The following ABCG2 variants were observed in gnomAD, a reference collection of about 807,000 sequenced individuals.
The protein encoded by ABCG2 is broad substrate specificity ATP-binding cassette transporter ABCG2.
Under a neutral mutation model 73.5 loss-of-function variants are expected in ABCG2, and 80 were observed. The observed-to-expected ratio is 1.09, with a 90% CI of 0.91 to 1.31. ABCG2 has a LOEUF of 1.31. Ranked by LOEUF, ABCG2 falls within the 50% of genes most tolerant of loss-of-function variation. The pLI is 0.00. For synonymous variants in ABCG2, 269 were observed against 282.4 expected (o/e 0.95, Z 0.48); for missense variants, 796 against 786.2 (o/e 1.01, Z -0.15).
intron 1 of ABCG2, among the ~76,000 whole-genome samples, chr4:88,222,041 C>CT (rs549061167): frequency 3.7e-4 from 56 of 152,306 alleles, no homozygotes; most frequent in African/African-American, 1.2e-3. Context: ...GTCCAGGGCC[C>CT]TCTTGCTATG....
chr4:88,133,133 T>C lies in ABCG2; in HGVS notation c.204-498A>G, dbSNP rs117319230. ...GTTACACTTACTGCTCTTAACACAGTGTGAAACGAAATACATGGCGTGTTC... is the reference window on the plus strand; with the variant it reads ...GTTACACTTACTGCTCTTAACACAGCGTGAAACGAAATACATGGCGTGTTC... On this transcript the variant is annotated intron_variant, in intron 2 of 15. Transcript: ENST00000237612. Among the ~76,000 whole-genome samples, 9 of 152,344 alleles carry C rather than the reference T, an allele frequency of 5.9e-5. No homozygotes were observed. The East Asian group carries it at 1.7e-3, about 29-fold the overall frequency.
intron 1 of ABCG2, among the ~76,000 whole-genome samples, chr4:88,185,751 A>C (rs1042822706): frequency 2.0e-5 from 3 of 152,224 alleles, no homozygotes; most frequent in African/African-American, 7.2e-5. Flanking sequence ...GTAAATGAAA[A>C]GGTACTCATT....
intron 13 of ABCG2, 113 bp from the exon 14 acceptor site, chr4:88,095,722 C>G: frequency 1.2e-6 from 1 of 824,148 alleles, no homozygotes. Context: ...TTAAAACCAA[C>G]TCTTTCTTGA....
chr4:88,154,153 C>T (rs1460444731), intron 1 of ABCG2, among the ~76,000 whole-genome samples: 3 of 152,162 alleles, frequency 2.0e-5, no homozygotes, highest in African/African-American at 7.2e-5. Context: ...AAAACTGACC[C>T]TGAGGGACAG....
upstream of ABCG2, chr4:88,159,286 G>A: frequency 2.2e-6 from 1 of 452,918 alleles, no homozygotes; most frequent in Non-Finnish European, 4.4e-6. Flanking sequence ...AGGTTGCCCA[G>A]TCACAAGCGC....
chr4:88,135,121 C>T (rs906237719), intron 2 of ABCG2, among the ~76,000 whole-genome samples: 1 of 152,182 alleles, frequency 6.6e-6, no homozygotes, highest in Non-Finnish European at 1.5e-5. Flanking sequence ...TACTATCTGC[C>T]CTTTATGGAA....
In ABCG2 at chr4:88,118,126, C is replaced by A; in HGVS notation, c.824G>T (p.Gly275Val). Residue 275 changes from glycine to valine, a missense_variant, in exon 7 of 16, where the codon GGA becomes GTA. Coordinates refer to ENST00000237612, the MANE Select transcript of ABCG2 (RefSeq NM_004827.3). ...MFHGPAQEAL[G>V]YFESAGYHCE... ...AACCATACCAGCTGATTCAAAGTAT[C>A]CCAAGGCCTCCTGAGCAGGCCCGTG... The A allele has an allele frequency of 1.9e-6, 3 of 1,613,510 alleles. No homozygotes were observed. The highest frequency in any genetic ancestry group is 2.5e-6 in the Non-Finnish European group (3 of 1,179,818).
intron 1 of ABCG2, among the ~76,000 whole-genome samples, chr4:88,207,654 C>G (rs1729431892): frequency 6.6e-6 from 1 of 152,170 alleles, no homozygotes; most frequent in African/African-American, 2.4e-5. Flanking sequence ...AAGCAGTCCT[C>G]CTGCCTCAGC....
chr4:88,181,266 GGT>G, intron 1 of ABCG2, among the ~76,000 whole-genome samples: 1 of 151,982 alleles, frequency 6.6e-6, no homozygotes, highest in Non-Finnish European at 1.5e-5. Flanking sequence ...CGAGCATGGT[GGT>G]GCGTGCCTGT....
rs548144281 is a variant in ABCG2, at chr4:88,108,399, G to A, written c.1195-1133C>T. On this transcript the variant is annotated intron_variant, in intron 9 of 15. Coordinates refer to ENST00000237612, the MANE Select transcript of ABCG2 (RefSeq NM_004827.3). ...ACAAAAAAATTAGCCAGGCATGGTG[G>A]TGTACGCCTGTAGTCCCAGCTACTC... Among the ~76,000 whole-genome samples, 55 of 152,084 alleles carry A rather than the reference G, an allele frequency of 3.6e-4. 1 individual carries two copies. Among genetic ancestry groups the A allele is most frequent in the Middle Eastern group, 3.4e-3 (1 of 294 alleles).
intron 1 of ABCG2, among the ~76,000 whole-genome samples, chr4:88,186,985 C>T (rs1223064733): frequency 1.4e-5 from 2 of 143,018 alleles, no homozygotes; most frequent in African/African-American, 5.3e-5. Flanking sequence ...CCCAACTCCT[C>T]GGGATGCTGA....
chr4:88,199,198 A>C (rs1729054381), intron 1 of ABCG2, among the ~76,000 whole-genome samples: 1 of 151,902 alleles, frequency 6.6e-6, no homozygotes, highest in African/African-American at 2.4e-5. Flanking sequence ...CAAACTCCTG[A>C]CCTCAGGTGA....
chr4:88,227,430 T>C (rs897415045), intron 1 of ABCG2, among the ~76,000 whole-genome samples: 2 of 152,094 alleles, frequency 1.3e-5, no homozygotes, highest in South Asian at 2.1e-4. Flanking sequence ...ATAATATACA[T>C]ATACAAAAGT....
chr4:88,199,721 C>T (rs760595247), intron 1 of ABCG2, among the ~76,000 whole-genome samples: 5 of 152,156 alleles, frequency 3.3e-5, no homozygotes, highest in African/African-American at 7.2e-5. Context: ...TTATTTAGGC[C>T]GGGCGCAGTG....
chr4:88,192,609 G>A (rs779610838), intron 1 of ABCG2, among the ~76,000 whole-genome samples: 2 of 151,824 alleles, frequency 1.3e-5, no homozygotes, highest in Admixed American at 1.3e-4. Flanking sequence ...TAGAAGAGAC[G>A]GAGTTTACCA....
In ABCG2 at chr4:88,107,272, C is replaced by A; in HGVS notation, c.1195-6G>T. ...AGTACGACTGTGACAATGATCTTTT[C>A]AAAAAGAAAAATGCAAAAAAAGGGG... On this transcript the variant is annotated splice_region_variant and splice_polypyrimidine_tract_variant and intron_variant, in intron 9 of 15. Coordinates refer to ENST00000237612, the MANE Select transcript of ABCG2 (RefSeq NM_004827.3). The A allele has an allele frequency of 6.3e-7, 1 of 1,584,944 alleles. No homozygotes were observed.
chr4:88,153,984 C>T (rs1726741298), intron 1 of ABCG2, among the ~76,000 whole-genome samples: 1 of 152,094 alleles, frequency 6.6e-6, no homozygotes, highest in Non-Finnish European at 1.5e-5. Context: ...TTGTAACCTA[C>T]ATGGAAGAGG....
chr4:88,131,848 T>C lies in ABCG2; in HGVS notation c.333A>G (p.Ala111=), dbSNP rs747320686. The change falls in exon 4 of 16, where the codon GCA becomes GCG. Residue 111 remains alanine, a synonymous_variant. Coordinates refer to ENST00000237612, the MANE Select transcript of ABCG2 (RefSeq NM_004827.3). The stretch of plus-strand genomic sequence containing the variant: ...TACATTTGAAATTGGCAGGTCGCGG[T>C]GCTCCATTTATCAGAACATCTCCAG... ...GLSGDVLING[A]PRPANFKCNS... The C allele has an allele frequency of 6.2e-7, 1 of 1,613,720 alleles. No homozygotes were observed. Among genetic ancestry groups the C allele is most frequent in the Non-Finnish European group, 8.5e-7 (1 of 1,179,960 alleles).
chr4:88,226,432 C>A (rs1265114263), intron 1 of ABCG2, among the ~76,000 whole-genome samples: 1 of 152,182 alleles, frequency 6.6e-6, no homozygotes, highest in Non-Finnish European at 1.5e-5. Context: ...AGAACATTTG[C>A]TATTGGTGTG....
Sources: gnomAD v4.1 joint callset for allele counts (sites outside exome capture counted in the v4.1 genomes callset) on GRCh38, gnomAD v4.1.1 for gene constraint, MANE v1.5 for transcripts, NCBI Gene and HGNC (gene_info 2026-07-23, HGNC 2026-07-21) for gene names.